The following TMEM43 variants were observed in gnomAD, a reference collection of about 807,000 sequenced individuals.
TMEM43 encodes the protein transmembrane protein 43, also known as arrhythmogenic right ventricular dysplasia 5.
Under a neutral mutation model 49.6 loss-of-function variants are expected in TMEM43, and 45 were observed. That is an observed-to-expected ratio of 0.91 (90% CI 0.71 to 1.16). The LOEUF is 1.16. TMEM43 is among the 50% of genes most tolerant of loss of function. The pLI is 0.00. For synonymous variants in TMEM43, 199 were observed against 207.8 expected (o/e 0.96, Z 0.36); for missense variants, 532 against 516.6 (o/e 1.03, Z -0.29).
At chr3:14,141,531 G>A in intron 11 of TMEM43, 62 bp from the exon 12 acceptor site, 1 of 1,488,966 alleles carries the variant, frequency 6.7e-7, no homozygotes, top group East Asian at 2.3e-5. Context: ...GGACAGGAGA[G>A]ATCTGCTGAG....
chr3:14,135,678 A>T, intron 9 of TMEM43, 129 bp from the exon 10 acceptor site: 1 of 693,984 alleles, frequency 1.4e-6, no homozygotes, highest in Non-Finnish European at 2.5e-6. Flanking sequence ...ATGTATAGAG[A>T]GAGAAGCCCC....
At chr3:14,134,110 A>G (rs1695136363) in intron 7 of TMEM43, among the ~76,000 whole-genome samples, 1 of 152,162 alleles carries the variant, frequency 6.6e-6, no homozygotes, top group African/African-American at 2.4e-5. Context: ...CTCTGCTGAG[A>G]CAGTCCTTCC....
intron 10 of TMEM43, 42 bp downstream of exon 10, chr3:14,135,950 G>GTCCT (rs757724015): frequency 3.9e-6 from 6 of 1,521,730 alleles, no homozygotes; most frequent in Middle Eastern, 1.7e-4. Context: ...GAACAAGCAT[G>GTCCT]TCCTTCCTTC....
intron 1 of TMEM43, among the ~76,000 whole-genome samples, chr3:14,128,327 C>T (rs560432320): frequency 1.3e-5 from 2 of 152,328 alleles, no homozygotes; most frequent in African/African-American, 4.8e-5. Context: ...AAATGCCTAC[C>T]TCCAAGCCCT....
intron 6 of TMEM43, among the ~76,000 whole-genome samples, chr3:14,133,170 G>A (rs777049359): frequency 3.3e-5 from 5 of 152,330 alleles, no homozygotes; most frequent in Admixed American, 6.5e-5. Context: ...TGCACTAAGC[G>A]TCTAAGGGGA....
chr3:14,141,846 C>T lies in TMEM43; in HGVS notation c.*51C>T. 1.3e-6 allele frequency: 2 copies of T among 1,547,468 alleles called. No individual in the cohort carries two copies. Among genetic ancestry groups the T allele is most frequent in the Non-Finnish European group, 8.7e-7 (1 of 1,142,970 alleles). On this transcript the variant is annotated 3_prime_UTR_variant, in exon 12 of 12. Coordinates refer to ENST00000306077, the MANE Select transcript of TMEM43 (RefSeq NM_024334.3). Reference sequence around the variant, plus strand: ...CTGCGTGAGCCCTAGGATCCAGGTCCTCTCTCACCTCTGACCCAGCTCCAT... The same window carrying T: ...CTGCGTGAGCCCTAGGATCCAGGTCTTCTCTCACCTCTGACCCAGCTCCAT...
In TMEM43 at chr3:14,134,849, T is replaced by C; in HGVS notation, c.663T>C (p.Arg221=). ...ACCCTCATGTGGACATCATTCGCCG[T>C]GGAGACTTTTTCTACCACAGCGAAA... is the stretch of plus-strand genomic sequence containing the variant. ...LEDPHVDIIR[R]GDFFYHSENP... is the part of the protein sequence containing the mutation. The change falls in exon 8 of 12, where the codon CGT becomes CGC. Residue 221 remains arginine, a synonymous_variant. Transcript: ENST00000306077. 6.2e-7 allele frequency: 1 copy of C among 1,614,184 alleles called. No individual in the cohort carries two copies. Among genetic ancestry groups the C allele is most frequent in the African/African-American group, 1.3e-5 (1 of 75,060 alleles).
chr3:14,134,589 G>A (rs1011457869), intron 7 of TMEM43, among the ~76,000 whole-genome samples, 181 bp from the exon 8 acceptor site: 1 of 152,200 alleles, frequency 6.6e-6, no homozygotes, highest in Non-Finnish European at 1.5e-5. Context: ...AAAGCTTCCT[G>A]GAGGAGATGG....
Position 14,141,774 on chromosome 3 carries a change from G to A in TMEM43, c.1182G>A (p.Val394=), listed in dbSNP as rs780836669. Reference sequence around the variant, plus strand: ...CCATCCTTGTTGCTCGGACACGGGTGCCAGCCAAAAAGTTGGAGTGAAAAG... The same window carrying A: ...CCATCCTTGTTGCTCGGACACGGGTACCAGCCAAAAAGTTGGAGTGAAAAG... The part of the protein sequence containing the change: ...LVPILVARTR[V]PAKKLE The change falls in exon 12 of 12, where the codon GTG becomes GTA. Residue 394 remains valine, a synonymous_variant. Coordinates refer to ENST00000306077, the MANE Select transcript of TMEM43 (RefSeq NM_024334.3). 1.2e-6 allele frequency: 2 copies of A among 1,613,692 alleles called. No individual in the cohort carries two copies. Among genetic ancestry groups the A allele is most frequent in the Middle Eastern group, 1.7e-4 (1 of 5,866 alleles).
At position 14,129,565 on chromosome 3, in the gene TMEM43, A is replaced by G; in HGVS notation, c.162+4A>G. ...CTACCTAATTTTCACCAATGAGGTA[A>G]AATGTCTGGGGTCTTCCTGTGCAGA... On this transcript the variant is annotated splice_donor_region_variant and intron_variant, in intron 2 of 11. Transcript: ENST00000306077. 6.2e-7 allele frequency: 1 copy of G among 1,614,066 alleles called. No homozygotes were observed.
intron 4 of TMEM43, among the ~76,000 whole-genome samples, chr3:14,132,258 A>G (rs1312835285): frequency 6.6e-6 from 1 of 152,136 alleles, no homozygotes. Context: ...ATGCAGCCAG[A>G]TCTCTGAGCC....
chr3:14,132,724 C>A, intron 5 of TMEM43, 129 bp downstream of exon 5: 1 of 1,371,084 alleles, frequency 7.3e-7, no homozygotes, highest in Non-Finnish European at 1.0e-6. Flanking sequence ...GGGTGCAAGT[C>A]TTCAGAGCCC....
chr3:14,129,452 A>G lies in TMEM43; in HGVS notation c.53A>G (p.Lys18Arg), dbSNP rs1214893591. 13 of 1,614,002 alleles carry G rather than the reference A, an allele frequency of 8.1e-6. No individual in the cohort carries two copies. The Admixed American group carries it at 1.5e-4, about 19-fold the overall frequency. ...ACCCGGAGAGAACATGTCAAAGTTA[A>G]AACCAGCTCCCAGCCAGGCTTCCTG... is the stretch of plus-strand genomic sequence containing the variant. ...TSTRREHVKV[K>R]TSSQPGFLER... The change falls in exon 2 of 12, where the codon AAA becomes AGA. Residue 18 changes from lysine to arginine, a missense_variant. Coordinates refer to ENST00000306077, the MANE Select transcript of TMEM43 (RefSeq NM_024334.3).
chr3:14,130,953 C>T lies in TMEM43; in HGVS notation c.294C>T (p.Ser98=). ...ACATCATTGGCGCCTTACGGACATC[C>T]AAGGTAGGTTTGGCAGGGGATGCTG... The part of the protein sequence containing the change: ...LVHIIGALRT[S]KLLSDPNYGV... The change falls in exon 3 of 12, where the codon TCC becomes TCT. Residue 98 remains serine, a synonymous_variant. Coordinates refer to ENST00000306077, the MANE Select transcript of TMEM43 (RefSeq NM_024334.3). 6.2e-7 allele frequency: 1 copy of T among 1,609,532 alleles called. No homozygotes were observed. Among genetic ancestry groups the T allele is most frequent in the East Asian group, 2.2e-5 (1 of 44,726 alleles).
chr3:14,131,081 C>G, intron 3 of TMEM43, 125 bp downstream of exon 3: 5 of 1,224,714 alleles, frequency 4.1e-6, no homozygotes, highest in Non-Finnish European at 5.7e-6. Flanking sequence ...CCGACTTTAC[C>G]ACTCAGCAGC....
rs202103307 is a variant in TMEM43 at position 14,132,615 on chromosome 3, C to T, written c.442+20C>T. 6.6e-5 allele frequency: 107 copies of T among 1,613,576 alleles called. No individual in the cohort carries two copies. The highest frequency in any genetic ancestry group is 6.0e-4 in the South Asian group (55 of 91,072). ...CCTACAGTGAGTGCTGGGCCCCTTA[C>T]GTGGTCTCTGCCCATGGTGGGGGCC... On this transcript the variant is annotated intron_variant, in intron 5 of 11. Transcript: ENST00000306077.
At position 14,125,292 on chromosome 3, in the gene TMEM43, C is replaced by G. The variant is rs947534014; in HGVS notation, c.12+87C>G. 30 of 1,493,042 alleles carry G rather than the reference C, an allele frequency of 2.0e-5. No homozygotes were observed. In the African/African-American group the frequency reaches 3.9e-4, roughly 19 times the overall value. 92.5% of individuals were successfully genotyped at this position (1,493,042 alleles called of 1,614,324 possible). On this transcript the variant is annotated intron_variant, in intron 1 of 11. Coordinates refer to ENST00000306077, the MANE Select transcript of TMEM43 (RefSeq NM_024334.3). ...CCGGGGTCCTCTAGGTCCATTTCGC[C>G]GCCTGGAGCTCCTCCGTGCGGCTAG... is the stretch of plus-strand genomic sequence containing the variant.
chr3:14,132,862 G>A lies in TMEM43; in HGVS notation c.443-4G>A. ...GCTCTGAGTTGATTCCTCTCCCTGA[G>A]CAGACACTGAATGGAGGTCAGAAAT... On this transcript the variant is annotated splice_polypyrimidine_tract_variant and splice_region_variant and intron_variant, in intron 5 of 11. Coordinates refer to ENST00000306077, the MANE Select transcript of TMEM43 (RefSeq NM_024334.3). The A allele has an allele frequency of 1.2e-6, 2 of 1,614,026 alleles. No individual in the cohort carries two copies. The highest frequency in any genetic ancestry group is 1.1e-5 in the South Asian group (1 of 91,028).
chr3:14,129,700 A>G, intron 2 of TMEM43, 139 bp downstream of exon 2: 1 of 956,508 alleles, frequency 1.0e-6, no homozygotes, highest in Non-Finnish European at 1.6e-6. Flanking sequence ...AGTTAATCAC[A>G]GTTCTTTCCA....
Sources: gnomAD v4.1 joint callset for allele counts (sites outside exome capture counted in the v4.1 genomes callset) on GRCh38, gnomAD v4.1.1 for gene constraint, MANE v1.5 for transcripts, NCBI Gene and HGNC (gene_info 2026-07-23, HGNC 2026-07-21) for gene names.